Variants in ARL10 observed in about 807,000 individuals in gnomAD.
ARL10 encodes the protein ARF like GTPase 10.
A neutral mutation model predicts 26.1 loss-of-function variants in ARL10; 23 were observed. The ratio of observed to expected loss-of-function variants is 0.88; its 90% confidence interval spans 0.63 to 1.25. ARL10 has a LOEUF of 1.25. Among genes scored for constraint, ARL10 ranks in the 50% most tolerant of loss-of-function variants. The pLI is 0.00. For synonymous variants in ARL10, 138 were observed against 149.1 expected, an observed-to-expected ratio of 0.93 and a Z score of 0.54; for missense variants, 300 against 323.6, an observed-to-expected ratio of 0.93 and a Z score of 0.56.
At chr5:176,389,524 G>A (rs1224216532), downstream of ARL10, 1 of 1,588,640 alleles carries the variant, frequency 6.3e-7, no homozygotes, top group East Asian at 2.3e-5. Flanking sequence ...TGAAAGCTCC[G>A]CAGAAATGAT....
chr5:176,391,934 T>C (rs1314870064), downstream of ARL10, among the ~76,000 whole-genome samples: 1 of 152,252 alleles, frequency 6.6e-6, no homozygotes, highest in Non-Finnish European at 1.5e-5. Context: ...ACTCAAATCT[T>C]TTTAAACATC....
chr5:176,404,826 T>C (rs1402318449), downstream of ARL10, among the ~76,000 whole-genome samples: 1 of 152,086 alleles, frequency 6.6e-6, no homozygotes, highest in African/African-American at 2.4e-5. Flanking sequence ...CACATGCTCT[T>C]CCCTTGGCCT....
At chr5:176,366,285 A>C in intron 1 of ARL10, 95 bp from the exon 2 acceptor site, 1 of 1,423,798 alleles carries the variant, frequency 7.0e-7, no homozygotes, top group East Asian at 2.5e-5. Flanking sequence ...GGACGGGTGG[A>C]AGGCGGGCCT....
chr5:176,392,726 T>G (rs1007810099), downstream of ARL10: 4 of 1,601,020 alleles, frequency 2.5e-6, no homozygotes, highest in Non-Finnish European at 2.6e-6. The surrounding 1 kb of genome is among the most constrained non-coding windows in gnomAD (Gnocchi z 5.2). Flanking sequence ...CTGCTCCTCC[T>G]GTGCCCAGGC....
downstream of ARL10, chr5:176,385,261 T>C (rs772746797): frequency 5.0e-6 from 8 of 1,613,262 alleles, no homozygotes; most frequent in Admixed American, 1.7e-5. Context: ...GTAGCGTACA[T>C]AGTCAATGAG....
rs1024437358 is a variant in ARL10 at position 176,381,796 on chromosome 5, G to C, written c.*9901G>C. On this transcript the variant is annotated 3_prime_UTR_variant, in exon 4 of 4. Transcript: ENST00000310389. ...AGCACTAATTGTTGAGGGGGTCCCT[G>C]GGGTCCCTTTTTACCTAATGAAGAT... 2.0e-5 allele frequency: 3 copies of C among 152,198 alleles called. No homozygotes were observed. The highest frequency in any genetic ancestry group is 2.1e-4 in the South Asian group (1 of 4,830). The allele number at this position is 152,198 out of a possible 1,614,324, so 9.4% of individuals were successfully genotyped here. A position where few individuals can be genotyped will look rare whatever the true frequency, so the allele number is the denominator to read the frequency against.
Position 176,388,534 on chromosome 5 carries a change from G to C in ARL10, c.*36G>C, listed in dbSNP as rs374791604. ...GCCTCCGGGTTTTGCCCTTGGCCTT[G>C]GGCATCGCGCTGACCACCGCACCAG... On this transcript the variant is annotated 3_prime_UTR_variant, in exon 2 of 2. Coordinates refer to the ARL10 transcript ENST00000503175. The C allele has an allele frequency of 7.5e-6, 12 of 1,610,620 alleles. No homozygotes were observed. In the Admixed American group the frequency reaches 1.5e-4, roughly 20 times the overall value.
chr5:176,369,180 A>C (rs772580922), intron 3 of ARL10, 198 bp downstream of exon 3: 50 of 1,530,908 alleles, frequency 3.3e-5, no homozygotes, highest in Admixed American at 1.6e-4. Context: ...CGTACTCTGG[A>C]GAGATGAGAA....
Position 176,371,319 on chromosome 5 carries a change from G to C in ARL10, c.562-403G>C, listed in dbSNP as rs190743330. Among the ~76,000 whole-genome samples the C allele has an allele frequency of 7.0e-4, 107 of 152,342 alleles. 2 individuals are homozygous for C. Among genetic ancestry groups the C allele is most frequent in the Non-Finnish European group, 1.1e-3 (75 of 68,036 alleles). On this transcript the variant is annotated intron_variant, in intron 3 of 3. Coordinates refer to ENST00000310389, the MANE Select transcript of ARL10 (RefSeq NM_173664.6). ...CAGGATTCCACCACAGGAGGTGGAG[G>C]TTGCAGTGAGCCAAGATCGTGCCAC... is the stretch of plus-strand genomic sequence containing the variant.
At chr5:176,366,633 G>T in intron 2 of ARL10, 52 bp downstream of exon 2, 6 of 1,594,178 alleles carry the variant, frequency 3.8e-6, no homozygotes, top group Non-Finnish European at 5.1e-6. Context: ...GACCAGTCCT[G>T]GATTCTCTGC....
chr5:176,394,517 CA>C (rs1159686339), intron 1 of ARL10, among the ~76,000 whole-genome samples: 1 of 151,682 alleles, frequency 6.6e-6, no homozygotes, highest in Admixed American at 6.6e-5. Context: ...ACTAAAAATA[CA>C]AAAAATTAGC....
At chr5:176,385,527 A>T (rs539933475), downstream of ARL10, among the ~76,000 whole-genome samples, 1 of 152,190 alleles carries the variant, frequency 6.6e-6, no homozygotes, top group East Asian at 1.9e-4. Flanking sequence ...GTCTCCTATG[A>T]CCCACTCATC....
At position 176,372,992 on chromosome 5, in the gene ARL10, G is replaced by A. The variant is rs1768590903; in HGVS notation, c.*1097G>A. ...CCTCCTCCCACCTGGCTTTGAGGCT[G>A]TCGTCGATATCATAGTACTTTACAT... On this transcript the variant is annotated 3_prime_UTR_variant, in exon 4 of 4. Coordinates refer to ENST00000310389, the MANE Select transcript of ARL10 (RefSeq NM_173664.6). The A allele has an allele frequency of 2.5e-6, 1 of 398,516 alleles. No individual in the cohort carries two copies. Among genetic ancestry groups the A allele is most frequent in the African/African-American group, 2.1e-5 (1 of 48,632 alleles). 24.7% of individuals were successfully genotyped at this position (398,516 alleles called of 1,614,324 possible).
At chr5:176,367,165 G>A (rs1212697187) in intron 2 of ARL10, among the ~76,000 whole-genome samples, 1 of 151,808 alleles carries the variant, frequency 6.6e-6, no homozygotes, top group East Asian at 1.9e-4. Context: ...CCGCCACCAC[G>A]CCCGGCTAAT....
chr5:176,389,026 A>C (rs986842702), downstream of ARL10: 21 of 1,599,872 alleles, frequency 1.3e-5, no homozygotes, highest in African/African-American at 2.4e-4. Flanking sequence ...TGTCGGAGGG[A>C]AGGAAGTAGA....
chr5:176,383,929 C>A, downstream of ARL10: 1 of 1,467,818 alleles, frequency 6.8e-7, no homozygotes, highest in Non-Finnish European at 9.0e-7. Context: ...CAGAAAAATA[C>A]AAAATCATCA....
In ARL10 at chr5:176,366,571, C is replaced by T. The variant is rs766286911; in HGVS notation, c.375C>T (p.Asp125=). Residue 125 remains aspartate (D), a synonymous_variant, in exon 2 of 4, where the codon GAC becomes GAT. Coordinates refer to ENST00000310389, the MANE Select transcript of ARL10 (RefSeq NM_173664.6). ...TGCCCACCAAGGACTTTGAGGTGGA[C>T]CTGCTAGAAAGTGAGCGGACACCCT... ...VRLPTKDFEV[D]LLEIGGSQNL... is the part of the protein sequence containing the mutation. 3 of 1,614,006 alleles carry T rather than the reference C, an allele frequency of 1.9e-6. No individual in the cohort carries two copies. Among genetic ancestry groups the T allele is most frequent in the East Asian group, 2.2e-5 (1 of 44,886 alleles).
At chr5:176,397,923 C>A in intron 1 of ARL10, 1 of 1,612,724 alleles carries the variant, frequency 6.2e-7, no homozygotes, top group Middle Eastern at 1.7e-4. Flanking sequence ...CTCAGCCCCG[C>A]CCTCACCCAG....
At chr5:176,413,326 C>T in the ARL10 span, among the ~76,000 whole-genome samples, 1 of 152,220 alleles carries the variant, frequency 6.6e-6, no homozygotes, top group South Asian at 2.1e-4. Context: ...CGAGGCCCAG[C>T]GGGGGAAATG....
Sources: allele counts gnomAD v4.1 joint callset (sites outside exome capture counted in the v4.1 genomes callset), GRCh38; gene constraint gnomAD v4.1.1; non-coding constraint Gnocchi (gnomAD v3.1); transcripts MANE v1.5; gene names NCBI Gene and HGNC (gene_info 2026-07-23, HGNC 2026-07-21).